The following ROBO1 variants were observed in gnomAD, a reference collection of about 807,000 sequenced individuals.
ROBO1 encodes the protein roundabout guidance receptor 1.
ROBO1 carries 149 observed loss-of-function variants against 195.9 expected under a neutral mutation model. That is an observed-to-expected ratio of 0.76 (90% CI 0.67 to 0.87). The LOEUF (loss-of-function observed/expected upper bound fraction) is 0.87, where lower values mean the gene tolerates loss of function less well. ROBO1 is among the 40% of genes least tolerant of loss of function. The pLI is 0.00. For missense variants in ROBO1, 1,933 were observed against 2,068.3 expected, an observed-to-expected ratio of 0.93 and a Z score of 1.27; for synonymous variants, 816 against 733.2, an observed-to-expected ratio of 1.11 and a Z score of -1.82.
chr3:79,453,169 A>C (rs1284418737), intron 2 of ROBO1, among the ~76,000 whole-genome samples: 2 of 151,974 alleles, frequency 1.3e-5, no homozygotes, highest in Non-Finnish European at 2.9e-5. Context: ...AGAAGGCAAG[A>C]CTTCAGTGAA....
intron 1 of ROBO1, among the ~76,000 whole-genome samples, chr3:79,745,059 C>T (rs777246298): frequency 9.9e-5 from 15 of 152,026 alleles, no homozygotes; most frequent in African/African-American, 2.4e-4. Flanking sequence ...TAAGTGTTTT[C>T]GTGGTTTGTA....
rs1439161014 is a variant in ROBO1, at chr3:79,054,486, G to A, written c.172+70970C>T. ...ATGACAAAATTTACCTGATCACGAG[G>A]TGTTACCTGCATATATTAAAGCTTG... is the stretch of plus-strand genomic sequence containing the variant. On this transcript the variant is annotated intron_variant, in intron 3 of 30. Transcript: ENST00000464233. Among the ~76,000 whole-genome samples, 6 of 152,046 alleles carry A rather than the reference G, an allele frequency of 3.9e-5. 1 individual carries two copies. The East Asian group carries it at 1.2e-3, about 29-fold the overall frequency.
chr3:79,010,341 T>C (rs149630343), intron 3 of ROBO1, among the ~76,000 whole-genome samples: 11 of 152,268 alleles, frequency 7.2e-5, no homozygotes, highest in African/African-American at 2.6e-4. Context: ...TTAAAGAGCT[T>C]AACTTGTTGA....
chr3:79,211,768 C>G (rs149758229), intron 2 of ROBO1, among the ~76,000 whole-genome samples: 3 of 152,268 alleles, frequency 2.0e-5, no homozygotes, highest in African/African-American at 4.8e-5. Flanking sequence ...CCTTTTCTTG[C>G]TTGACTGATT....
At chr3:79,015,380 G>GCC (rs77153570) in intron 3 of ROBO1, among the ~76,000 whole-genome samples, 5 of 69,318 alleles carry the variant, frequency 7.2e-5, no homozygotes, top group African/African-American at 1.6e-4. Flanking sequence ...CCTCCCCCAC[G>GCC]CCCCCCCCCA....
intron 4 of ROBO1, among the ~76,000 whole-genome samples, chr3:78,921,540 C>T (rs2038938806): frequency 6.6e-6 from 1 of 152,124 alleles, no homozygotes; most frequent in African/African-American, 2.4e-5. Flanking sequence ...AAATGGAATG[C>T]CTCTGAAATA....
At chr3:79,570,540 CA>C (rs1943244891) in intron 2 of ROBO1, among the ~76,000 whole-genome samples, 1 of 151,502 alleles carries the variant, frequency 6.6e-6, no homozygotes, top group Non-Finnish European at 1.5e-5. Flanking sequence ...ATAGCTAAAA[CA>C]AAATAAGAAA....
At chr3:78,673,718 T>C (rs1708233624) in intron 10 of ROBO1, among the ~76,000 whole-genome samples, 1 of 149,686 alleles carries the variant, frequency 6.7e-6, no homozygotes, top group African/African-American at 2.4e-5. Context: ...TGTTGTAATT[T>C]GTCACCTCAA....
intron 1 of ROBO1, among the ~76,000 whole-genome samples, chr3:79,609,000 A>G (rs1343293331): frequency 1.3e-5 from 2 of 151,948 alleles, no homozygotes; most frequent in Non-Finnish European, 2.9e-5. Flanking sequence ...CTTCTGCTAA[A>G]TAAGCCTTAG....
intron 4 of ROBO1, among the ~76,000 whole-genome samples, chr3:78,873,205 CTCTCTACT>C (rs1234935237): frequency 3.9e-5 from 6 of 152,158 alleles, no homozygotes; most frequent in African/African-American, 1.2e-4. Flanking sequence ...CAGTCAGCCT[CTCTCTACT>C]TCCTACTTTT....
chr3:79,403,384 C>A (rs982503586), intron 2 of ROBO1, among the ~76,000 whole-genome samples: 4 of 152,044 alleles, frequency 2.6e-5, no homozygotes, highest in African/African-American at 9.6e-5. Context: ...GGATTTTGGA[C>A]AAGTTATAGC....
chr3:78,614,775 C>T lies in ROBO1; in HGVS notation c.4308G>A (p.Gln1436=). ...AAGRRHFHAS[Q]CPRPTSPVST... is the part of the protein sequence containing the mutation. ...ACACGGGACTTGTGGGCCTAGGGCA[C>T]TGAGACGCATGAAAATGTCGACGGC... is the stretch of plus-strand genomic sequence containing the variant. Residue 1436 remains glutamine (Q), a synonymous_variant, in exon 28 of 31, where the codon CAG becomes CAA. Coordinates refer to ENST00000464233, the MANE Select transcript of ROBO1 (RefSeq NM_002941.4). 1.2e-6 allele frequency: 2 copies of T among 1,610,016 alleles called. No homozygotes were observed. Among genetic ancestry groups the T allele is most frequent in the African/African-American group, 2.7e-5 (2 of 74,142 alleles).
rs189535841 is a variant in ROBO1 at position 79,405,034 on chromosome 3, G to T, written c.88+184790C>A. ...CTTGAATTGGACTCACTGCCCCATTGAAATTATGTTTTTAAAAAATTTTTC... is the reference window on the plus strand; with the variant it reads ...CTTGAATTGGACTCACTGCCCCATTTAAATTATGTTTTTAAAAAATTTTTC... On this transcript the variant is annotated intron_variant, in intron 2 of 30. Coordinates refer to ENST00000464233, the MANE Select transcript of ROBO1 (RefSeq NM_002941.4). Among the ~76,000 whole-genome samples, 69 of 151,984 alleles carry T rather than the reference G, an allele frequency of 4.5e-4. 1 individual carries two copies. The East Asian group carries it at 0.013, about 29-fold the overall frequency.
chr3:79,277,400 T>C (rs1190156402), intron 2 of ROBO1, among the ~76,000 whole-genome samples: 1 of 152,106 alleles, frequency 6.6e-6, no homozygotes, highest in Non-Finnish European at 1.5e-5. Flanking sequence ...TCTCACTTAT[T>C]TGCCAGAGCT....
At chr3:79,714,488 C>A (rs78910357) in intron 1 of ROBO1, among the ~76,000 whole-genome samples, 37,858 of 151,754 alleles carry the variant, frequency 0.25, 5,049 homozygotes, top group African/African-American at 0.33. Flanking sequence ...AACCAGCCAT[C>A]CCATTACTGG....
chr3:78,733,210 T>A (rs1487749795), intron 5 of ROBO1, among the ~76,000 whole-genome samples: 1 of 152,166 alleles, frequency 6.6e-6, no homozygotes, highest in East Asian at 1.9e-4. Flanking sequence ...GAAATAATGT[T>A]AATCTTCACC....
At chr3:79,105,064 A>C (rs2079752460) in intron 3 of ROBO1, among the ~76,000 whole-genome samples, 1 of 151,826 alleles carries the variant, frequency 6.6e-6, no homozygotes, top group Non-Finnish European at 1.5e-5. Flanking sequence ...CCACCTATCA[A>C]GTTAATACAA....
chr3:78,631,351 C>A, intron 24 of ROBO1, 46 bp from the exon 25 acceptor site: 1 of 1,570,202 alleles, frequency 6.4e-7, no homozygotes, highest in Non-Finnish European at 8.7e-7. Flanking sequence ...GGCCTTTAAA[C>A]TTTTTCCATT....
intron 1 of ROBO1, among the ~76,000 whole-genome samples, chr3:79,647,167 T>C (rs888707186): frequency 4.6e-5 from 7 of 152,112 alleles, no homozygotes; most frequent in African/African-American, 9.6e-5. Context: ...ATGAATGTAT[T>C]ATATTATCAC....
Sources: gnomAD v4.1 joint callset for allele counts (sites outside exome capture counted in the v4.1 genomes callset) on GRCh38, gnomAD v4.1.1 for gene constraint, MANE v1.5 for transcripts, NCBI Gene and HGNC (gene_info 2026-07-23, HGNC 2026-07-21) for gene names.